Variants in PTGER3 observed in about 807,000 individuals in gnomAD.
PTGER3 encodes the protein prostaglandin E2 receptor EP3 subtype.
Under a neutral mutation model 34.7 loss-of-function variants are expected in PTGER3, and 22 were observed. The ratio of observed to expected loss-of-function variants is 0.63; its 90% CI spans 0.45 to 0.91. PTGER3 has a LOEUF of 0.91. PTGER3 is among the 40% of genes least tolerant of loss of function. The probability of loss-of-function intolerance (pLI) is 0.00; values close to 1 mark genes in which losing one functional copy is unlikely to be tolerated. For synonymous variants in PTGER3, 241 were observed against 230.1 expected, an observed-to-expected ratio of 1.05 and a Z score of -0.43; for missense variants, 468 against 519.4, an observed-to-expected ratio of 0.90 and a Z score of 0.96.
At chr1:70,922,066 G>A (rs1325150499) in intron 4 of PTGER3, among the ~76,000 whole-genome samples, 2 of 152,110 alleles carry the variant, frequency 1.3e-5, no homozygotes, top group Non-Finnish European at 2.9e-5. Flanking sequence ...AAATTATACA[G>A]GTCAGATATT....
At chr1:70,954,215 G>C (rs528643766) in intron 2 of PTGER3, among the ~76,000 whole-genome samples, 1 of 152,126 alleles carries the variant, frequency 6.6e-6, no homozygotes, top group Non-Finnish European at 1.5e-5. Flanking sequence ...AGGTGGAAAA[G>C]GGCAGTGGAT....
chr1:71,000,333 T>C (rs1045160089), intron 2 of PTGER3, among the ~76,000 whole-genome samples: 35 of 152,330 alleles, frequency 2.3e-4, no homozygotes, highest in Admixed American at 1.6e-3. Flanking sequence ...AACACCTACC[T>C]GCTGTCATTG....
intron 4 of PTGER3, among the ~76,000 whole-genome samples, chr1:70,914,794 T>C (rs1647137897): frequency 6.6e-6 from 1 of 151,898 alleles, no homozygotes; most frequent in Non-Finnish European, 1.5e-5. Context: ...AGATGGGACT[T>C]GAAGAAAATG....
intron 1 of PTGER3, among the ~76,000 whole-genome samples, chr1:71,040,720 G>C (rs534313660): frequency 5.1e-4 from 77 of 152,284 alleles, no homozygotes; most frequent in Non-Finnish European, 2.2e-4. Context: ...CACTGTACTT[G>C]ACCTTAGCAG....
chr1:71,044,035 C>T (rs1426256960), intron 1 of PTGER3, among the ~76,000 whole-genome samples: 1 of 151,408 alleles, frequency 6.6e-6, no homozygotes, highest in Non-Finnish European at 1.5e-5. Flanking sequence ...ATGCTGGTCT[C>T]GAACTGCTGA....
chr1:70,985,262 G>T (rs181037182), intron 2 of PTGER3, among the ~76,000 whole-genome samples: 2 of 152,260 alleles, frequency 1.3e-5, no homozygotes, highest in South Asian at 2.1e-4. Context: ...AGGTGTCACC[G>T]CATGCGTGTG....
intron 2 of PTGER3, among the ~76,000 whole-genome samples, chr1:70,980,933 T>C (rs546822785): frequency 6.6e-6 from 1 of 152,124 alleles, no homozygotes; most frequent in Non-Finnish European, 1.5e-5. Flanking sequence ...TCTATGACTT[T>C]GCCAGTCAAG....
At chr1:70,861,474 GC>G (rs1301281278) in intron 4 of PTGER3, among the ~76,000 whole-genome samples, 1 of 152,114 alleles carries the variant, frequency 6.6e-6, no homozygotes, top group Non-Finnish European at 1.5e-5. Flanking sequence ...CATCACCTTG[GC>G]TATATTTTGC....
At chr1:70,965,172 G>C (rs1006980296) in intron 2 of PTGER3, among the ~76,000 whole-genome samples, 3 of 152,260 alleles carry the variant, frequency 2.0e-5, no homozygotes, top group South Asian at 2.1e-4. Flanking sequence ...AAAAAAATCA[G>C]AGCCTTGCAG....
intron 4 of PTGER3, among the ~76,000 whole-genome samples, chr1:70,888,051 T>C (rs1646535502): frequency 6.6e-6 from 1 of 152,210 alleles, no homozygotes; most frequent in Non-Finnish European, 1.5e-5. Context: ...GGGAGTTGAC[T>C]ATTTGAAAAT....
chr1:70,905,896 C>T (rs1646937211), intron 4 of PTGER3, among the ~76,000 whole-genome samples: 1 of 152,084 alleles, frequency 6.6e-6, no homozygotes, highest in African/African-American at 2.4e-5. Flanking sequence ...ACTGTGTCCC[C>T]ACTCAAATCT....
chr1:71,021,364 A>G (rs1341121098), intron 1 of PTGER3, among the ~76,000 whole-genome samples: 2 of 152,186 alleles, frequency 1.3e-5, no homozygotes, highest in Non-Finnish European at 2.9e-5. Context: ...ATAAATGTTT[A>G]TCTTTCTATT....
intron 4 of PTGER3, among the ~76,000 whole-genome samples, chr1:70,881,849 TA>T (rs1165835715): frequency 6.6e-6 from 1 of 152,222 alleles, no homozygotes; most frequent in East Asian, 1.9e-4. Context: ...CAGGGAAACA[TA>T]AGGTTGCACC....
intron 1 of PTGER3, among the ~76,000 whole-genome samples, chr1:71,020,141 C>G (rs1388479783): frequency 1.3e-5 from 2 of 152,132 alleles, no homozygotes; most frequent in Non-Finnish European, 2.9e-5. Context: ...ATTGTAGTCT[C>G]TCCAATCTGG....
Position 70,924,029 on chromosome 1 carries a change from G to A in PTGER3, c.*23+29734C>T, listed in dbSNP as rs560101122. Among the ~76,000 whole-genome samples, 48 of 152,128 alleles carry A rather than the reference G, an allele frequency of 3.2e-4. No individual in the cohort carries two copies. The South Asian group carries it at 6.2e-3, about 20-fold the overall frequency. ...CACCTTGACTACACCATCCCTGTAT[G>A]AGCTTCCTGACCTGTGGTAAGTAAA... On this transcript the variant is annotated intron_variant, in intron 4 of 4. Transcript: ENST00000370931.
At chr1:70,987,153 C>T (rs945948532) in intron 2 of PTGER3, among the ~76,000 whole-genome samples, 6 of 152,120 alleles carry the variant, frequency 3.9e-5, no homozygotes, top group African/African-American at 1.2e-4. Context: ...ATGGTTCTCC[C>T]CTTTATAAAT....
Position 71,007,278 on chromosome 1 carries a change from C to T in PTGER3, c.1077+5027G>A, listed in dbSNP as rs189247637. 1.2e-5 allele frequency: 12 copies of T among 985,350 alleles called. No individual in the cohort carries two copies. In the East Asian group the frequency reaches 1.4e-3, roughly 112 times the overall value. 61.0% of individuals were successfully genotyped at this position (985,350 alleles called of 1,614,324 possible). A position where few individuals can be genotyped will look rare whatever the true frequency, so the allele number is the denominator to read the frequency against. On this transcript the variant is annotated intron_variant, in intron 2 of 3. Coordinates refer to ENST00000306666, the MANE Select transcript of PTGER3 (RefSeq NM_198719.2). ...TACAAACAGATCAAAATAATCAGTGCCTATTTTAATTGGTTTGCTTAAACA... is the reference window on the plus strand; with the variant it reads ...TACAAACAGATCAAAATAATCAGTGTCTATTTTAATTGGTTTGCTTAAACA...
chr1:70,978,072 G>A (rs1653884521), intron 2 of PTGER3, among the ~76,000 whole-genome samples: 1 of 152,086 alleles, frequency 6.6e-6, no homozygotes, highest in South Asian at 2.1e-4. Flanking sequence ...AAAGTAACTT[G>A]CCTAAGGTCA....
chr1:70,962,022 T>G (rs941863386), intron 2 of PTGER3, among the ~76,000 whole-genome samples: 9 of 152,222 alleles, frequency 5.9e-5, no homozygotes, highest in Non-Finnish European at 1.0e-4. Flanking sequence ...TGACCTGATA[T>G]AGTTTAGCTC....
Sources: gnomAD v4.1 joint callset for allele counts (sites outside exome capture counted in the v4.1 genomes callset) on GRCh38, gnomAD v4.1.1 for gene constraint, MANE v1.5 for transcripts, NCBI Gene and HGNC (gene_info 2026-07-23, HGNC 2026-07-21) for gene names.